NCK2: variants seen among roughly 807,000 people sequenced by gnomAD.
The protein encoded by NCK2 is cytoplasmic protein NCK2.
Under a neutral mutation model 33.9 loss-of-function variants are expected in NCK2, and 16 were observed. That is an observed-to-expected ratio of 0.47 (90% confidence interval 0.32 to 0.72). The LOEUF is 0.72. Among genes scored for constraint, NCK2 ranks in the 30% least tolerant of loss-of-function variants. The probability of loss-of-function intolerance (pLI) is 0.03; values close to 1 mark genes in which losing one functional copy is unlikely to be tolerated. For missense variants in NCK2, 418 were observed against 537.3 expected (o/e 0.78, Z 2.19); for synonymous variants, 273 against 239.9 (o/e 1.14, Z -1.27).
At chr2:105,758,012 C>T (rs1675677015) in intron 1 of NCK2, among the ~76,000 whole-genome samples, 1 of 152,136 alleles carries the variant, frequency 6.6e-6, no homozygotes, top group South Asian at 2.1e-4. Flanking sequence ...CTGGATGAAG[C>T]TCAGTTAGTT....
intron 3 of NCK2, among the ~76,000 whole-genome samples, chr2:105,864,058 G>A (rs1445954953): frequency 2.6e-5 from 4 of 152,092 alleles, no homozygotes; most frequent in African/African-American, 4.8e-5. Flanking sequence ...GGCCATCGGC[G>A]AGCCAGCCGG....
chr2:105,809,009 C>T (rs1341116967), intron 1 of NCK2, among the ~76,000 whole-genome samples: 1 of 152,182 alleles, frequency 6.6e-6, no homozygotes, highest in Non-Finnish European at 1.5e-5. Context: ...CATCACAATT[C>T]AAATGCAAAA....
At chr2:105,859,539 G>A (rs1277878269) in intron 3 of NCK2, among the ~76,000 whole-genome samples, 1 of 152,200 alleles carries the variant, frequency 6.6e-6, no homozygotes, top group Non-Finnish European at 1.5e-5. Flanking sequence ...ACCCAGACCT[G>A]GGAGCACAGA....
At chr2:105,883,152 G>T (rs1477811622) in intron 4 of NCK2, among the ~76,000 whole-genome samples, 1 of 152,174 alleles carries the variant, frequency 6.6e-6, no homozygotes, top group African/African-American at 2.4e-5. Flanking sequence ...GGACGGGAAT[G>T]CCAGGCTGAA....
At chr2:105,852,076 C>G (rs984756694) in intron 2 of NCK2, among the ~76,000 whole-genome samples, 1 of 145,990 alleles carries the variant, frequency 6.8e-6, no homozygotes, top group African/African-American at 2.5e-5. Context: ...ATAAGCCTAT[C>G]AAAATGCAGA....
At chr2:105,756,689 A>G (rs567108487) in intron 1 of NCK2, among the ~76,000 whole-genome samples, 5 of 152,344 alleles carry the variant, frequency 3.3e-5, no homozygotes, top group African/African-American at 1.2e-4. Flanking sequence ...CCTGGACTTC[A>G]TTCTGGCTTT....
In NCK2 at chr2:105,893,485, G is replaced by A. The variant is rs967611578; in HGVS notation, c.*309G>A. On this transcript the variant is annotated 3_prime_UTR_variant, in exon 5 of 5. Coordinates refer to ENST00000233154, the MANE Select transcript of NCK2 (RefSeq NM_003581.5). Reference sequence around the variant, plus strand: ...TCATGGAACCCCTCTTTAAAAAGACGCAGGGCACCTGTGAGCGCAGGAGCG... The same window carrying A: ...TCATGGAACCCCTCTTTAAAAAGACACAGGGCACCTGTGAGCGCAGGAGCG... 5 of 315,094 alleles carry A rather than the reference G, an allele frequency of 1.6e-5. No individual in the cohort carries two copies. The highest frequency in any genetic ancestry group is 3.1e-5 in the Non-Finnish European group (5 of 162,048). 19.5% of individuals were successfully genotyped at this position (315,094 alleles called of 1,614,324 possible).
intron 3 of NCK2, among the ~76,000 whole-genome samples, chr2:105,861,528 T>A (rs964454957): frequency 7.2e-4 from 108 of 150,732 alleles, no homozygotes; most frequent in Non-Finnish European, 1.4e-3. Flanking sequence ...TTTTTTTTTT[T>A]TTTTGAGACG....
chr2:105,882,063 G>T lies in NCK2; in HGVS notation c.948+14G>T. 6.7e-7 allele frequency: 1 copy of T among 1,487,898 alleles called. No individual in the cohort carries two copies. The highest frequency in any genetic ancestry group is 8.9e-7 in the Non-Finnish European group (1 of 1,119,022). 92.2% of individuals were successfully genotyped at this position (1,487,898 alleles called of 1,614,324 possible). ...AGCGAGTCCTCGGTAAGTGCGCTGC[G>T]CCCACAGCTCCGGCTGCAGGCAGTA... is the stretch of plus-strand genomic sequence containing the variant. On this transcript the variant is annotated intron_variant, in intron 4 of 4. Transcript: ENST00000233154.
intron 1 of NCK2, among the ~76,000 whole-genome samples, chr2:105,804,174 G>T (rs1291985610): frequency 1.3e-5 from 2 of 152,168 alleles, no homozygotes; most frequent in East Asian, 3.8e-4. Flanking sequence ...TTTGAGTCTA[G>T]AGAAAGCTTG....
intron 1 of NCK2, among the ~76,000 whole-genome samples, chr2:105,761,176 G>A (rs1056004557): frequency 9.9e-5 from 15 of 152,206 alleles, no homozygotes; most frequent in African/African-American, 3.6e-4. Flanking sequence ...CAGCAGGGTT[G>A]TGCCCTACCC....
chr2:105,759,621 A>G (rs888313703), intron 1 of NCK2, among the ~76,000 whole-genome samples: 1 of 152,208 alleles, frequency 6.6e-6, no homozygotes, highest in African/African-American at 2.4e-5. Flanking sequence ...ACTATAGTAC[A>G]TTGGTTACAT....
At chr2:105,816,270 C>T (rs1320283296) in intron 1 of NCK2, among the ~76,000 whole-genome samples, 160 bp from the exon 2 acceptor site, 1 of 152,162 alleles carries the variant, frequency 6.6e-6, no homozygotes, top group Non-Finnish European at 1.5e-5. Context: ...CGTACAACCA[C>T]ACTCCAGCCT....
intron 2 of NCK2, among the ~76,000 whole-genome samples, chr2:105,834,651 G>GT (rs35931398): frequency 6.6e-6 from 1 of 151,252 alleles, no homozygotes; most frequent in Non-Finnish European, 1.5e-5. Flanking sequence ...ACATTAAAGG[G>GT]TTTTTTTTTC....
At chr2:105,830,859 A>G (rs1676159455) in intron 2 of NCK2, among the ~76,000 whole-genome samples, 1 of 152,140 alleles carries the variant, frequency 6.6e-6, no homozygotes, top group South Asian at 2.1e-4. Context: ...ATGTTTATTC[A>G]GATCCTTTGA....
chr2:105,776,304 A>G (rs1026393737), intron 1 of NCK2, among the ~76,000 whole-genome samples: 4 of 152,256 alleles, frequency 2.6e-5, no homozygotes, highest in African/African-American at 9.6e-5. Context: ...CTTTATTTCT[A>G]TAAGTCCTCC....
intron 1 of NCK2, among the ~76,000 whole-genome samples, chr2:105,768,326 A>G (rs1476541497): frequency 6.6e-6 from 1 of 152,150 alleles, no homozygotes; most frequent in Non-Finnish European, 1.5e-5. Context: ...ATTCTCTGAC[A>G]CCACCTAGGT....
chr2:105,795,682 T>G (rs1220317067), intron 1 of NCK2, among the ~76,000 whole-genome samples: 1 of 152,212 alleles, frequency 6.6e-6, no homozygotes, highest in Admixed American at 6.5e-5. Context: ...GGGTGTGGAT[T>G]GTTGTTAAAC....
intron 1 of NCK2, among the ~76,000 whole-genome samples, chr2:105,767,275 C>T (rs978931481): frequency 1.3e-5 from 2 of 152,198 alleles, no homozygotes; most frequent in African/African-American, 4.8e-5. Flanking sequence ...TAATACTGCT[C>T]GTGACGTGGC....
Sources: allele counts gnomAD v4.1 joint callset (sites outside exome capture counted in the v4.1 genomes callset), GRCh38; gene constraint gnomAD v4.1.1; transcripts MANE v1.5; gene names NCBI Gene and HGNC (gene_info 2026-07-23, HGNC 2026-07-21).